The following ARSB variants were observed in gnomAD, a reference collection of about 807,000 sequenced individuals.
The protein encoded by ARSB is arylsulfatase B.
A neutral mutation model predicts 50.9 loss-of-function variants in ARSB; 41 were observed. That is an observed-to-expected ratio of 0.81 (90% confidence interval 0.63 to 1.04). The LOEUF (loss-of-function observed/expected upper bound fraction) is 1.04, where lower values mean the gene tolerates loss of function less well. Among genes scored for constraint, ARSB ranks in the 50% least tolerant of loss-of-function variants. The pLI is 0.00. For missense variants in ARSB, 672 were observed against 693.3 expected (o/e 0.97, Z 0.35); for synonymous variants, 269 against 284.8 (o/e 0.94, Z 0.56).
intron 4 of ARSB, among the ~76,000 whole-genome samples, chr5:78,938,416 T>C (rs951865317): frequency 6.6e-5 from 10 of 152,382 alleles, no homozygotes; most frequent in South Asian, 2.1e-4. Flanking sequence ...AGTCTCATTA[T>C]TCTGAGGCAT....
intron 4 of ARSB, among the ~76,000 whole-genome samples, chr5:78,888,497 TGTAA>T (rs1402463933): frequency 6.6e-6 from 1 of 152,248 alleles, no homozygotes; most frequent in Admixed American, 6.5e-5. Context: ...TCTGGATTGC[TGTAA>T]GTGATGCTGG....
chr5:78,843,429 C>A (rs1190846854), intron 5 of ARSB, among the ~76,000 whole-genome samples: 3 of 152,146 alleles, frequency 2.0e-5, no homozygotes, highest in Non-Finnish European at 4.4e-5. Context: ...ACCTTGGCTG[C>A]ACAATACAAT....
chr5:78,915,899 G>A (rs532585014), intron 4 of ARSB, among the ~76,000 whole-genome samples: 4 of 152,136 alleles, frequency 2.6e-5, no homozygotes, highest in Admixed American at 6.5e-5. Flanking sequence ...GCATCATATC[G>A]GCTCAAGAAG....
chr5:78,941,677 G>T (rs1750932913), intron 4 of ARSB, among the ~76,000 whole-genome samples: 1 of 151,980 alleles, frequency 6.6e-6, no homozygotes, highest in Non-Finnish European at 1.5e-5. Flanking sequence ...TGCTGGATTT[G>T]GTTTGCCAGT....
intron 4 of ARSB, among the ~76,000 whole-genome samples, chr5:78,932,139 C>G (rs1265926513): frequency 6.6e-6 from 1 of 152,202 alleles, no homozygotes; most frequent in Non-Finnish European, 1.5e-5. Context: ...AAAAGGCATA[C>G]TTCAGCCAAA....
chr5:78,899,341 G>T (rs957110807), intron 4 of ARSB, among the ~76,000 whole-genome samples: 18 of 152,184 alleles, frequency 1.2e-4, no homozygotes, highest in African/African-American at 4.3e-4. Context: ...TCTGTAGCTG[G>T]ATATTTCTCT....
intron 3 of ARSB, among the ~76,000 whole-genome samples, chr5:78,963,523 A>G (rs1448218230): frequency 6.6e-6 from 1 of 152,174 alleles, no homozygotes; most frequent in East Asian, 1.9e-4. Flanking sequence ...GGGTGTTCTT[A>G]ATGAAGCCAT....
At chr5:78,786,932 T>G (rs2112625859) in intron 6 of ARSB, among the ~76,000 whole-genome samples, 1 of 151,672 alleles carries the variant, frequency 6.6e-6, no homozygotes. Flanking sequence ...TATATAGATA[T>G]CTCAGTTGTC....
At chr5:78,809,395 T>C (rs936197884) in intron 6 of ARSB, among the ~76,000 whole-genome samples, 3 of 152,218 alleles carry the variant, frequency 2.0e-5, no homozygotes, top group South Asian at 2.1e-4. Flanking sequence ...ACATTGGTGG[T>C]GTAGGTGTCT....
In ARSB at chr5:78,785,042, C is replaced by T. The variant is rs192885420; in HGVS notation, c.1214-3068G>A. 4.0e-3 allele frequency among the ~76,000 whole-genome samples: 602 copies of T among 152,256 alleles called. 11 individuals are homozygous for T. The highest frequency in any genetic ancestry group is 0.014 in the African/African-American group (576 of 41,554). On this transcript the variant is annotated intron_variant, in intron 6 of 7. Transcript: ENST00000264914. ...CTGGAACTCCTGACCTCATGATCCG[C>T]CCGCCTTGGCCTCCCAAAGTGCTGG...
intron 5 of ARSB, among the ~76,000 whole-genome samples, chr5:78,842,768 T>C (rs924144289): frequency 1.0e-4 from 13 of 125,828 alleles, no homozygotes; most frequent in African/African-American, 3.7e-4. Context: ...GTTTTTGTTT[T>C]TGTTTTTTTC....
chr5:78,921,014 A>G (rs777637686), intron 4 of ARSB, among the ~76,000 whole-genome samples: 1 of 152,130 alleles, frequency 6.6e-6, no homozygotes, highest in East Asian at 1.9e-4. Context: ...CTAACATCCT[A>G]TCAGTCTCTC....
intron 4 of ARSB, among the ~76,000 whole-genome samples, chr5:78,930,971 T>C (rs976494353): frequency 6.6e-6 from 1 of 152,156 alleles, no homozygotes; most frequent in African/African-American, 2.4e-5. Context: ...TAGTCTTTCC[T>C]CAGCTGACTA....
At chr5:78,868,887 G>T (rs1398149323) in intron 5 of ARSB, among the ~76,000 whole-genome samples, 1 of 151,386 alleles carries the variant, frequency 6.6e-6, no homozygotes, top group Non-Finnish European at 1.5e-5. Context: ...AAAGAGTCAA[G>T]ACCCATCAGT....
chr5:78,877,636 G>C (rs549348598), intron 5 of ARSB, among the ~76,000 whole-genome samples: 2 of 152,198 alleles, frequency 1.3e-5, no homozygotes, highest in Admixed American at 1.3e-4. Flanking sequence ...TGATCCACCC[G>C]CCTTGGCCTC....
chr5:78,967,390 T>C (rs116669406), intron 2 of ARSB, among the ~76,000 whole-genome samples: 1 of 152,062 alleles, frequency 6.6e-6, no homozygotes, highest in Non-Finnish European at 1.5e-5. Flanking sequence ...ATTTCAAATC[T>C]CAGGCTGGGC....
At chr5:78,832,332 C>T (rs115107060) in intron 6 of ARSB, among the ~76,000 whole-genome samples, 2,335 of 152,290 alleles carry the variant, frequency 0.015, 57 homozygotes, top group African/African-American at 0.054. Flanking sequence ...TGGGAACCAC[C>T]AACAGCCTTC....
intron 6 of ARSB, among the ~76,000 whole-genome samples, chr5:78,828,932 G>A (rs772490637): frequency 1.3e-5 from 2 of 152,226 alleles, no homozygotes; most frequent in South Asian, 2.1e-4. Context: ...AGTTGAAGAA[G>A]GAGGCAGAAC....
chr5:78,949,633 G>C (rs188017891), intron 4 of ARSB, among the ~76,000 whole-genome samples: 1 of 152,216 alleles, frequency 6.6e-6, no homozygotes, highest in Non-Finnish European at 1.5e-5. Context: ...ATACAGGCTG[G>C]GCGTGGTGGC....
Sources: allele counts gnomAD v4.1 joint callset (sites outside exome capture counted in the v4.1 genomes callset), GRCh38; gene constraint gnomAD v4.1.1; transcripts MANE v1.5; gene names NCBI Gene and HGNC (gene_info 2026-07-23, HGNC 2026-07-21).